The following NXPE2 variants were observed in gnomAD, a reference collection of about 807,000 sequenced individuals.
The protein encoded by NXPE2 is NXPE family member 2.
NXPE2 carries 34 observed loss-of-function variants against 34.4 expected under a neutral mutation model. The observed-to-expected ratio is 0.99, with a 90% confidence interval of 0.75 to 1.31. The LOEUF (loss-of-function observed/expected upper bound fraction) is 1.31, where lower values mean the gene tolerates loss of function less well. Among genes scored for constraint, NXPE2 ranks in the 40% most tolerant of loss-of-function variants. NXPE2 has a pLI of 0.00. For synonymous variants in NXPE2, 235 were observed against 231.3 expected, an observed-to-expected ratio of 1.02 and a Z score of -0.15; for missense variants, 649 against 672.5, an observed-to-expected ratio of 0.97 and a Z score of 0.39.
At chr11:114,680,352 A>T (rs190439388) in intron 2 of NXPE2, among the ~76,000 whole-genome samples, 1 of 152,210 alleles carries the variant, frequency 6.6e-6, no homozygotes, top group Admixed American at 6.5e-5. Context: ...ATTTGAACCC[A>T]ACTACCTTTA....
the NXPE2 span, among the ~76,000 whole-genome samples, chr11:114,812,298 G>A: frequency 6.6e-6 from 1 of 152,196 alleles, no homozygotes; most frequent in East Asian, 1.9e-4. Flanking sequence ...TTATAGGATA[G>A]CATCTGGAAA....
At chr11:114,602,023 A>C in the NXPE2 span, among the ~76,000 whole-genome samples, 1 of 89,728 alleles carries the variant, frequency 1.1e-5, no homozygotes, top group South Asian at 3.7e-4. Context: ...TATATATAAT[A>C]TATGTTATAC....
the NXPE2 span, among the ~76,000 whole-genome samples, chr11:114,474,734 G>A: frequency 1.3e-5 from 2 of 152,120 alleles, no homozygotes; most frequent in Non-Finnish European, 2.9e-5. Context: ...TCTTTGAAAC[G>A]ATAGGTGACA....
At chr11:114,507,156 T>C in the NXPE2 span, among the ~76,000 whole-genome samples, 1 of 140,776 alleles carries the variant, frequency 7.1e-6, no homozygotes, top group African/African-American at 2.7e-5. Context: ...ACATACACAC[T>C]CCCAAGACTG....
chr11:114,550,029 A>G, the NXPE2 span, among the ~76,000 whole-genome samples: 2 of 152,168 alleles, frequency 1.3e-5, no homozygotes, highest in Non-Finnish European at 1.5e-5. Flanking sequence ...CAAGATTTAT[A>G]TGAGGAAAAC....
chr11:114,767,231 A>G, the NXPE2 span, among the ~76,000 whole-genome samples: 1 of 152,156 alleles, frequency 6.6e-6, no homozygotes, highest in Non-Finnish European at 1.5e-5. Flanking sequence ...TATAAATAAT[A>G]GTGCTTTCAT....
In NXPE2 at chr11:114,706,959, C is replaced by A. The variant is rs1276603606; in HGVS notation, c.*29C>A. The A allele has an allele frequency of 6.7e-7, 1 of 1,494,896 alleles. No individual in the cohort carries two copies. The highest frequency in any genetic ancestry group is 2.5e-5 in the East Asian group (1 of 40,634). The allele number at this position is 1,494,896 out of a possible 1,614,324, so 92.6% of individuals were successfully genotyped here. The stretch of plus-strand genomic sequence containing the variant: ...AAAAATACAAAAATAGCACTAGCCA[C>A]TTTCTATAGATGATCTCACATATAC... On this transcript the variant is annotated 3_prime_UTR_variant, in exon 6 of 6. Coordinates refer to ENST00000389586, the MANE Select transcript of NXPE2 (RefSeq NM_182495.6).
At chr11:114,758,265 A>T in the NXPE2 span, among the ~76,000 whole-genome samples, 2 of 152,138 alleles carry the variant, frequency 1.3e-5, no homozygotes, top group Non-Finnish European at 2.9e-5. Flanking sequence ...GATAGCATGG[A>T]AAGGAGGGAC....
the NXPE2 span, chr11:114,551,206 A>G: frequency 1.3e-6 from 2 of 1,519,160 alleles, no homozygotes; most frequent in Non-Finnish European, 1.8e-6. Flanking sequence ...GGACATGACG[A>G]ATGTCCTAGG....
chr11:114,779,458 G>A, the NXPE2 span, among the ~76,000 whole-genome samples: 75 of 152,292 alleles, frequency 4.9e-4, no homozygotes, highest in African/African-American at 1.7e-3. Context: ...GAATGGGGTA[G>A]TGGGTGCCAG....
chr11:114,623,492 T>G, the NXPE2 span, among the ~76,000 whole-genome samples: 1 of 152,128 alleles, frequency 6.6e-6, no homozygotes, highest in African/African-American at 2.4e-5. Context: ...GGGTAACCAC[T>G]GTTACCCAGT....
chr11:114,510,024 A>G, the NXPE2 span, among the ~76,000 whole-genome samples: 1 of 152,170 alleles, frequency 6.6e-6, no homozygotes, highest in Non-Finnish European at 1.5e-5. Flanking sequence ...AAGAGAGAAA[A>G]ACAGATAACA....
chr11:114,597,715 C>T, the NXPE2 span, among the ~76,000 whole-genome samples: 6 of 151,992 alleles, frequency 3.9e-5, no homozygotes, highest in Non-Finnish European at 7.4e-5. Context: ...TGGAGCATCT[C>T]GGGGTGCTAG....
At chr11:114,630,355 C>G in the NXPE2 span, among the ~76,000 whole-genome samples, 1 of 151,734 alleles carries the variant, frequency 6.6e-6, no homozygotes, top group Admixed American at 6.6e-5. Flanking sequence ...ACATAGCCCT[C>G]AGAAATAACA....
chr11:114,568,540 C>T, the NXPE2 span, among the ~76,000 whole-genome samples: 1 of 148,158 alleles, frequency 6.7e-6, no homozygotes, highest in Non-Finnish European at 1.5e-5. Flanking sequence ...TCTTATTTTC[C>T]CTCTCCCTTC....
chr11:114,808,608 T>C, the NXPE2 span, among the ~76,000 whole-genome samples: 1 of 110,900 alleles, frequency 9.0e-6, no homozygotes, highest in Non-Finnish European at 1.9e-5. Context: ...AATGGATAAA[T>C]TCCTCGACAC....
the NXPE2 span, among the ~76,000 whole-genome samples, chr11:114,736,622 C>A: frequency 6.6e-6 from 1 of 152,234 alleles, no homozygotes; most frequent in African/African-American, 2.4e-5. Flanking sequence ...GTAATCATCA[C>A]AGGGTCCTGA....
At chr11:114,808,611 C>T in the NXPE2 span, among the ~76,000 whole-genome samples, 1 of 112,976 alleles carries the variant, frequency 8.9e-6, no homozygotes, top group Non-Finnish European at 1.8e-5. Context: ...GGATAAATTC[C>T]TCGACACATG....
intron 3 of NXPE2, among the ~76,000 whole-genome samples, 156 bp from the exon 4 acceptor site, chr11:114,703,835 A>C (rs1483357229): frequency 1.3e-5 from 2 of 152,188 alleles, no homozygotes; most frequent in Non-Finnish European, 2.9e-5. Flanking sequence ...AGCTTTCCAG[A>C]ATCCTGACCC....
Sources: gnomAD v4.1 joint callset for allele counts (sites outside exome capture counted in the v4.1 genomes callset) on GRCh38, gnomAD v4.1.1 for gene constraint, MANE v1.5 for transcripts, NCBI Gene and HGNC (gene_info 2026-07-23, HGNC 2026-07-21) for gene names.